Variants in TMTC1 observed in about 807,000 individuals in gnomAD.
TMTC1 encodes the protein protein O-mannosyl-transferase TMTC1.
TMTC1 carries 73 observed loss-of-function variants against 104.8 expected under a neutral mutation model. The ratio of observed to expected loss-of-function variants is 0.70; its 90% CI spans 0.58 to 0.85. TMTC1 has a LOEUF of 0.85. Among genes scored for constraint, TMTC1 ranks in the 40% least tolerant of loss-of-function variants. The pLI is 0.00. For synonymous variants in TMTC1, 434 were observed against 428.7 expected (o/e 1.01, Z -0.15); for missense variants, 1,035 against 1,096.1 (o/e 0.94, Z 0.79).
intron 5 of TMTC1, among the ~76,000 whole-genome samples, chr12:29,738,894 A>T (rs190717390): frequency 9.2e-5 from 14 of 152,314 alleles, no homozygotes; most frequent in African/African-American, 3.1e-4. Context: ...AAATGTGAAC[A>T]CTCTACAAAA....
chr12:29,547,295 A>C (rs1944968107), intron 10 of TMTC1, among the ~76,000 whole-genome samples: 1 of 152,204 alleles, frequency 6.6e-6, no homozygotes, highest in Non-Finnish European at 1.5e-5. Flanking sequence ...CAGTCATTAC[A>C]AAAGGAAAAG....
chr12:29,516,608 T>G, intron 14 of TMTC1, 122 bp from the exon 15 acceptor site: 18 of 1,197,686 alleles, frequency 1.5e-5, no homozygotes, highest in Admixed American at 2.9e-5. Context: ...ATTTAGTGAC[T>G]CATAGAGAAG....
At chr12:29,597,821 T>C (rs1315091379) in intron 7 of TMTC1, among the ~76,000 whole-genome samples, 1 of 152,048 alleles carries the variant, frequency 6.6e-6, no homozygotes, top group East Asian at 1.9e-4. Context: ...TGGGGGTGAA[T>C]GGGGGAGAAG....
chr12:29,712,867 C>T (rs1941967224), intron 5 of TMTC1, among the ~76,000 whole-genome samples: 1 of 152,176 alleles, frequency 6.6e-6, no homozygotes. Context: ...CTACCTTCAA[C>T]TTGAATGAAT....
At chr12:29,623,825 A>ATAAATTAAATTAAAT (rs1555177658) in intron 6 of TMTC1, among the ~76,000 whole-genome samples, 1 of 148,824 alleles carries the variant, frequency 6.7e-6, no homozygotes, top group African/African-American at 2.6e-5. Context: ...AAATAAATAA[A>ATAAATTAAATTAAAT]TAAATTAAAT....
At chr12:29,600,020 T>TTTTG (rs1565699863) in intron 7 of TMTC1, among the ~76,000 whole-genome samples, 5 of 140,686 alleles carry the variant, frequency 3.6e-5, no homozygotes, top group African/African-American at 1.5e-4. Flanking sequence ...TTTTTTTTTT[T>TTTTG]TTTCCCTCAA....
intron 9 of TMTC1, 52 bp from the exon 10 acceptor site, chr12:29,557,052 G>A (rs766950949): frequency 2.5e-6 from 4 of 1,594,094 alleles, no homozygotes; most frequent in East Asian, 4.5e-5. Flanking sequence ...TCTAAGTTGG[G>A]CACAACTTGC....
At chr12:29,768,569 C>T (rs1362746664) in intron 1 of TMTC1, among the ~76,000 whole-genome samples, 3 of 152,126 alleles carry the variant, frequency 2.0e-5, no homozygotes, top group Non-Finnish European at 4.4e-5. Flanking sequence ...CATGGTGCCA[C>T]CAGGAACCAG....
intron 5 of TMTC1, among the ~76,000 whole-genome samples, chr12:29,710,764 T>C (rs2136836270): frequency 7.2e-6 from 1 of 138,128 alleles, no homozygotes; most frequent in East Asian, 2.0e-4. Flanking sequence ...ATTTATATTA[T>C]ATATTTATAT....
chr12:29,548,985 T>C (rs1945023535), intron 10 of TMTC1, among the ~76,000 whole-genome samples: 1 of 145,258 alleles, frequency 6.9e-6, no homozygotes, highest in South Asian at 2.1e-4. Flanking sequence ...ATATATAAAT[T>C]AAATTAAATA....
At chr12:29,709,898 G>A (rs1408916133) in intron 5 of TMTC1, among the ~76,000 whole-genome samples, 2 of 152,096 alleles carry the variant, frequency 1.3e-5, no homozygotes, top group Non-Finnish European at 2.9e-5. Context: ...ATGAAAACAG[G>A]GAAAAGCCTA....
At position 29,661,341 on chromosome 12, in the gene TMTC1, T is replaced by C. The variant is rs567689484; in HGVS notation, c.939-28005A>G. The stretch of plus-strand genomic sequence containing the variant: ...ACTTAATATAATTTGAAGGCTCCAA[T>C]GTCTTCCATCCACAAAATACCTCAC... On this transcript the variant is annotated intron_variant, in intron 5 of 17. Transcript: ENST00000539277. 6 of 980,620 alleles carry C rather than the reference T, an allele frequency of 6.1e-6. No homozygotes were observed. The South Asian group carries it at 2.4e-4, about 39-fold the overall frequency. The allele number at this position is 980,620 out of a possible 1,614,324, so 60.7% of individuals were successfully genotyped here. A position where few individuals can be genotyped will look rare whatever the true frequency, so the allele number is the denominator to read the frequency against.
intron 5 of TMTC1, among the ~76,000 whole-genome samples, chr12:29,646,023 G>C (rs1235852186): frequency 6.6e-6 from 1 of 152,176 alleles, no homozygotes; most frequent in African/African-American, 2.4e-5. Flanking sequence ...ACATATGACA[G>C]AGTTTTCTGG....
intron 11 of TMTC1, among the ~76,000 whole-genome samples, chr12:29,524,958 C>A (rs867399777): frequency 6.6e-6 from 1 of 152,190 alleles, no homozygotes; most frequent in African/African-American, 2.4e-5. Context: ...GCAGAAAAGT[C>A]TTGATCTGTG....
At chr12:29,658,773 C>T (rs1939878402) in intron 5 of TMTC1, 3 of 180,072 alleles carry the variant, frequency 1.7e-5, no homozygotes, top group Non-Finnish European at 3.7e-5. Context: ...TGGGGTGCCT[C>T]TCCTCTTTTT....
At chr12:29,555,659 C>T (rs1347662718) in intron 10 of TMTC1, among the ~76,000 whole-genome samples, 8 of 152,066 alleles carry the variant, frequency 5.3e-5, no homozygotes, top group Non-Finnish European at 1.0e-4. Context: ...TGAACTCATC[C>T]TTTTTTATGG....
At chr12:29,644,111 A>G (rs7485696) in intron 5 of TMTC1, among the ~76,000 whole-genome samples, 2,953 of 73,776 alleles carry the variant, frequency 0.04, 150 homozygotes, top group Admixed American at 0.056. Flanking sequence ...ATAAATATAT[A>G]TGTGTGTGTG....
intron 5 of TMTC1, among the ~76,000 whole-genome samples, chr12:29,725,901 C>G (rs1215660622): frequency 6.6e-6 from 1 of 152,146 alleles, no homozygotes; most frequent in Non-Finnish European, 1.5e-5. Flanking sequence ...TTTTTTCTCT[C>G]TACTAATGCT....
At chr12:29,765,279 C>T (rs1276346504) in intron 2 of TMTC1, among the ~76,000 whole-genome samples, 3 of 152,008 alleles carry the variant, frequency 2.0e-5, no homozygotes, top group South Asian at 4.2e-4. Flanking sequence ...TTGTAGATAT[C>T]GACATTTCAA....
Sources: allele counts gnomAD v4.1 joint callset (sites outside exome capture counted in the v4.1 genomes callset), GRCh38; gene constraint gnomAD v4.1.1; transcripts MANE v1.5; gene names NCBI Gene and HGNC (gene_info 2026-07-23, HGNC 2026-07-21).